Variants in USP35 observed in about 807,000 individuals in gnomAD.
The protein encoded by USP35 is ubiquitin carboxyl-terminal hydrolase 35.
A neutral mutation model predicts 83.8 loss-of-function variants in USP35; 69 were observed. The observed-to-expected ratio is 0.82, with a 90% confidence interval of 0.68 to 1.01. USP35 has a LOEUF of 1.01. Ranked by LOEUF, USP35 falls within the 50% of genes least tolerant of loss-of-function variation. The pLI is 0.00. For synonymous variants in USP35, 714 were observed against 589.5 expected (o/e 1.21, Z -3.06); for missense variants, 1,503 against 1,362.5 (o/e 1.10, Z -1.62).
rs531705917 is a variant in USP35, at chr11:78,213,575, T to G, written c.2890-71T>G. The G allele has an allele frequency of 2.4e-4, 345 of 1,421,050 alleles. 1 individual carries two copies. The Middle Eastern group carries it at 4.1e-3, about 17-fold the overall frequency. The allele number at this position is 1,421,050 out of a possible 1,614,324, so 88.0% of individuals were successfully genotyped here. On this transcript the variant is annotated intron_variant, in intron 10 of 10. Coordinates refer to ENST00000529308, the MANE Select transcript of USP35 (RefSeq NM_020798.4). ...CTAGAGGAAACATTGAAAGGTGTTG[T>G]GCTGGGTAGACTCACTCTGGCTTCA...
Position 78,192,045 on chromosome 11 carries a change from G to A in USP35, c.-11+2888G>A, listed in dbSNP as rs941555121. ...TTTTTAGTAGAGATGGGGTTTCACC[G>A]TGTTAATGAGGACCTCATCTTTTTT... is the stretch of plus-strand genomic sequence containing the variant. On this transcript the variant is annotated intron_variant, in intron 1 of 10. Coordinates refer to ENST00000529308, the MANE Select transcript of USP35 (RefSeq NM_020798.4). 3.9e-5 allele frequency among the ~76,000 whole-genome samples: 6 copies of A among 152,086 alleles called. No homozygotes were observed. The East Asian group carries it at 5.8e-4, about 15-fold the overall frequency.
At chr11:78,211,804 T>C (rs1230195054) in intron 10 of USP35, among the ~76,000 whole-genome samples, 1 of 152,208 alleles carries the variant, frequency 6.6e-6, no homozygotes, top group Non-Finnish European at 1.5e-5. Flanking sequence ...GTTGTTTTTT[T>C]CTTGGACATT....
chr11:78,222,033 G>C, the USP35 span: 1 of 982,604 alleles, frequency 1.0e-6, no homozygotes, highest in Non-Finnish European at 1.7e-6. Flanking sequence ...CGGCCCACAG[G>C]CCAGCTACCA....
At position 78,201,915 on chromosome 11, in the gene USP35, G is replaced by C. The variant is rs112176680; in HGVS notation, c.1197+1107G>C. 8.6e-3 allele frequency among the ~76,000 whole-genome samples: 1,311 copies of C among 152,220 alleles called. 19 individuals are homozygous for C. Among genetic ancestry groups the C allele is most frequent in the African/African-American group, 0.03 (1,248 of 41,524 alleles). ...GGTAGGTGGCCCTTGCAGAACCTTTGATCTGACTTTTACATCTGCAGCACA... is the reference window on the plus strand; with the variant it reads ...GGTAGGTGGCCCTTGCAGAACCTTTCATCTGACTTTTACATCTGCAGCACA... On this transcript the variant is annotated intron_variant, in intron 6 of 10. Transcript: ENST00000529308.
Position 78,210,470 on chromosome 11 carries a change from C to T in USP35, c.2615C>T (p.Ala872Val), listed in dbSNP as rs1863719908. Residue 872 changes from alanine to valine, a missense_variant, in exon 10 of 11, where the codon GCC becomes GTC. Physicochemically the swap from Ala to Val is moderately conservative, Grantham distance 64. Coordinates refer to ENST00000529308, the MANE Select transcript of USP35 (RefSeq NM_020798.4). The stretch of plus-strand genomic sequence containing the variant: ...TACTGCTATGCCCGTGAGGGCGCTG[C>T]CCGCCCTGCCGCTTCTCTGGGAACT... ...HYYCYAREGA[A>V]RPAASLGTAD... 3 of 1,614,232 alleles carry T rather than the reference C, an allele frequency of 1.9e-6. No homozygotes were observed. Among genetic ancestry groups the T allele is most frequent in the Non-Finnish European group, 2.5e-6 (3 of 1,180,034 alleles).
Position 78,214,055 on chromosome 11 carries a change from A to C in USP35, c.*242A>C, listed in dbSNP as rs1161637961. 4 of 412,350 alleles carry C rather than the reference A, an allele frequency of 9.7e-6. No homozygotes were observed. The highest frequency in any genetic ancestry group is 5.5e-5 in the South Asian group (1 of 18,270). 25.5% of individuals were successfully genotyped at this position (412,350 alleles called of 1,614,324 possible). On this transcript the variant is annotated 3_prime_UTR_variant, in exon 11 of 11. Coordinates refer to ENST00000529308, the MANE Select transcript of USP35 (RefSeq NM_020798.4). ...TGTCCTGGTTAACTTGAAGCAGCCG[A>C]GATGGGCACACACGGGTCTTTGCCT... is the stretch of plus-strand genomic sequence containing the variant.
At chr11:78,231,205 G>C in the USP35 span, among the ~76,000 whole-genome samples, 5 of 152,196 alleles carry the variant, frequency 3.3e-5, no homozygotes, top group Non-Finnish European at 4.4e-5. Context: ...AGAAGTTTGA[G>C]AGAAGATATT....
chr11:78,212,619 C>T (rs2510042), intron 10 of USP35, among the ~76,000 whole-genome samples: 28,440 of 151,982 alleles, frequency 0.19, 3,003 homozygotes, highest in East Asian at 0.41. Context: ...CCCTTGTTAG[C>T]TGTATTCCTA....
At position 78,213,584 on chromosome 11, in the gene USP35, GACTC is replaced by G. The variant is rs368732339; in HGVS notation, c.2890-57_2890-54del. On this transcript the variant is annotated intron_variant, in intron 10 of 10. Coordinates refer to ENST00000529308, the MANE Select transcript of USP35 (RefSeq NM_020798.4). ...ACATTGAAAGGTGTTGTGCTGGGTAGACTCACTCTGGCTTCAGGGTGTGAATTCT... is the reference window on the plus strand; with the variant it reads ...ACATTGAAAGGTGTTGTGCTGGGTAGACTCTGGCTTCAGGGTGTGAATTCT... 2.6e-4 allele frequency: 378 copies of G among 1,430,418 alleles called. 3 individuals carry two copies. The African/African-American group carries it at 5.2e-3, about 20-fold the overall frequency. 88.6% of individuals were successfully genotyped at this position (1,430,418 alleles called of 1,614,324 possible).
chr11:78,200,280 C>T, intron 5 of USP35, 46 bp downstream of exon 5: 1 of 1,572,100 alleles, frequency 6.4e-7, no homozygotes, highest in Non-Finnish European at 8.8e-7. Flanking sequence ...CTGCCTGCTG[C>T]CCCTGGTAAG....
chr11:78,213,823 G>C lies in USP35; in HGVS notation c.*10G>C. On this transcript the variant is annotated 3_prime_UTR_variant, in exon 11 of 11. Transcript: ENST00000529308. ...CAGACTGGTCTTCTAATGTGAACCT[G>C]CTGCCAACCTGACCCCTTCCCTCCA... 1 of 1,548,676 alleles carries C rather than the reference G, an allele frequency of 6.5e-7. No individual in the cohort carries two copies. Among genetic ancestry groups the C allele is most frequent in the South Asian group, 1.3e-5 (1 of 79,980 alleles).
the USP35 span, chr11:78,227,104 T>C: frequency 2.4e-6 from 3 of 1,236,386 alleles, no homozygotes; most frequent in East Asian, 2.3e-5. Context: ...ACTAGCTGTG[T>C]GACCTTGAGG....
At chr11:78,213,312 G>A (rs753002776) in intron 10 of USP35, among the ~76,000 whole-genome samples, 1 of 152,122 alleles carries the variant, frequency 6.6e-6, no homozygotes, top group East Asian at 1.9e-4. Context: ...CCCATTCCTC[G>A]TGATCATGAG....
At chr11:78,224,745 G>T in the USP35 span, among the ~76,000 whole-genome samples, 1 of 152,010 alleles carries the variant, frequency 6.6e-6, no homozygotes, top group Non-Finnish European at 1.5e-5. Flanking sequence ...TACCACCCTT[G>T]CCTGGAGTCT....
chr11:78,210,567 A>T lies in USP35; in HGVS notation c.2712A>T (p.Glu904Asp), dbSNP rs759484324. The change falls in exon 10 of 11, where the codon GAA becomes GAT. Residue 904 changes from glutamate to aspartate, a missense_variant. By Grantham distance (45) the Glu-to-Asp change is conservative. Coordinates refer to ENST00000529308, the MANE Select transcript of USP35 (RefSeq NM_020798.4). ...CTCGGGTGTCCTTCTCTTCCTTCGA[A>T]TCTGTCAGCAACGTCACCTCCTTCT... ...NDTRVSFSSF[E>D]SVSNVTSFFP... 6.2e-7 allele frequency: 1 copy of T among 1,613,154 alleles called. No homozygotes were observed. Among genetic ancestry groups the T allele is most frequent in the Non-Finnish European group, 8.5e-7 (1 of 1,179,200 alleles).
the USP35 span, chr11:78,223,637 A>G: frequency 6.2e-7 from 1 of 1,612,196 alleles, no homozygotes; most frequent in South Asian, 1.1e-5. Flanking sequence ...TTGTCTTCAG[A>G]ATTGGTGCTG....
the USP35 span, among the ~76,000 whole-genome samples, chr11:78,233,110 G>C: frequency 1.4e-5 from 2 of 147,316 alleles, no homozygotes; most frequent in Non-Finnish European, 3.0e-5. Context: ...CGTGATCTCA[G>C]CTCACTGCAA....
intron 10 of USP35, among the ~76,000 whole-genome samples, chr11:78,212,099 T>C (rs996243690): frequency 6.6e-6 from 1 of 152,212 alleles, no homozygotes; most frequent in Non-Finnish European, 1.5e-5. Flanking sequence ...CTTTAATCCA[T>C]CGAGTGAATT....
At chr11:78,189,839 G>A (rs544984360) in intron 1 of USP35, among the ~76,000 whole-genome samples, 25 of 152,282 alleles carry the variant, frequency 1.6e-4, no homozygotes, top group African/African-American at 5.5e-4. Flanking sequence ...TTCTTTCCAG[G>A]AGACAGTTTG....
Sources: gnomAD v4.1 joint callset for allele counts (sites outside exome capture counted in the v4.1 genomes callset) on GRCh38, gnomAD v4.1.1 for gene constraint, MANE v1.5 for transcripts, NCBI Gene and HGNC (gene_info 2026-07-23, HGNC 2026-07-21) for gene names.